Variants in SH3PXD2B observed in about 807,000 individuals in gnomAD.
SH3PXD2B encodes SH3 and PX domains 2B, also known as SH3 and PX domain-containing protein 2B.
A neutral mutation model predicts 73.1 loss-of-function variants in SH3PXD2B; 37 were observed. That is an observed-to-expected ratio of 0.51 (90% CI 0.39 to 0.67). SH3PXD2B has a LOEUF of 0.67. Among genes scored for constraint, SH3PXD2B ranks in the 30% least tolerant of loss-of-function variants. The pLI, the probability that SH3PXD2B is intolerant of heterozygous loss-of-function variation, is 0.00. For missense variants in SH3PXD2B, 1,053 were observed against 1,197.8 expected (o/e 0.88, Z 1.78); for synonymous variants, 457 against 480.5 (o/e 0.95, Z 0.64).
intron 4 of SH3PXD2B, among the ~76,000 whole-genome samples, chr5:172,382,829 A>G (rs1757979707): frequency 6.6e-6 from 1 of 151,946 alleles, no homozygotes; most frequent in African/African-American, 2.4e-5. Flanking sequence ...CCTGGGTTCA[A>G]GCGATTTTTG....
At chr5:172,409,167 A>C (rs1029374341) in intron 2 of SH3PXD2B, among the ~76,000 whole-genome samples, 2 of 152,142 alleles carry the variant, frequency 1.3e-5, no homozygotes, top group Non-Finnish European at 2.9e-5. Flanking sequence ...GGATGGCCTG[A>C]GGTCAGGAGA....
chr5:172,395,658 G>C (rs1025586388), intron 3 of SH3PXD2B, among the ~76,000 whole-genome samples: 2 of 152,224 alleles, frequency 1.3e-5, no homozygotes, highest in African/African-American at 4.8e-5. Flanking sequence ...TGGGGAGATA[G>C]TGGCGAAGCA....
chr5:172,425,507 A>G (rs1049947162), intron 1 of SH3PXD2B, among the ~76,000 whole-genome samples: 10 of 152,078 alleles, frequency 6.6e-5, no homozygotes, highest in African/African-American at 2.2e-4. Context: ...GAGCTGAGGA[A>G]AGGGCGTACA....
At chr5:172,439,295 CAA>C (rs946794676) in intron 1 of SH3PXD2B, among the ~76,000 whole-genome samples, 26 of 126,290 alleles carry the variant, frequency 2.1e-4, no homozygotes, top group African/African-American at 8.6e-4. Context: ...AAAAAAACCC[CAA>C]AAAAAAACCA....
Position 172,454,360 on chromosome 5 carries a change from C to G in SH3PXD2B, c.-8G>C. 9 of 1,494,730 alleles carry G rather than the reference C, an allele frequency of 6.0e-6. No individual in the cohort carries two copies. Among genetic ancestry groups the G allele is most frequent in the Non-Finnish European group, 8.0e-6 (9 of 1,123,402 alleles). The allele number at this position is 1,494,730 out of a possible 1,614,324, so 92.6% of individuals were successfully genotyped here. On this transcript the variant is annotated 5_prime_UTR_variant, in exon 1 of 13. Transcript: ENST00000311601. ...GCTGCGCCGCGGCGGCATGGCCGCT[C>G]CTCCGCCCGCAGCGGGCCGAGCGCG... is the stretch of plus-strand genomic sequence containing the variant.
intron 5 of SH3PXD2B, among the ~76,000 whole-genome samples, chr5:172,381,687 C>T (rs565916478): frequency 1.2e-4 from 19 of 152,294 alleles, no homozygotes; most frequent in East Asian, 3.9e-4. Flanking sequence ...TGGCAGTTCC[C>T]GAGCACACCC....
chr5:172,426,003 GGGATTAAAAAACAA>G lies in SH3PXD2B; in HGVS notation c.76-3521_76-3508del, dbSNP rs1437345450. ...ATGACTGTCAAGGACACTGCCAACA[GGGATTAAAAAACAA>G]GGAAAAATTGTCAAAGAATGGATTT... On this transcript the variant is annotated intron_variant, in intron 1 of 12. Coordinates refer to ENST00000311601, the MANE Select transcript of SH3PXD2B (RefSeq NM_001017995.3). Among the ~76,000 whole-genome samples the G allele has an allele frequency of 3.3e-5, 5 of 152,050 alleles. No individual in the cohort carries two copies. The East Asian group carries it at 9.6e-4, about 29-fold the overall frequency.
chr5:172,346,131 C>G lies in SH3PXD2B; in HGVS notation c.1188+5G>C, dbSNP rs773469032. 6.2e-7 allele frequency: 1 copy of G among 1,614,098 alleles called. No homozygotes were observed. Among genetic ancestry groups the G allele is most frequent in the Non-Finnish European group, 8.5e-7 (1 of 1,179,992 alleles). ...AGTAGGCAAAGGAACACCAGGGCCACTCACCTCGACCTTCAGGCCTGCCTG... is the reference window on the plus strand; with the variant it reads ...AGTAGGCAAAGGAACACCAGGGCCAGTCACCTCGACCTTCAGGCCTGCCTG... On this transcript the variant is annotated splice_donor_5th_base_variant and intron_variant, in intron 12 of 12. Coordinates refer to ENST00000311601, the MANE Select transcript of SH3PXD2B (RefSeq NM_001017995.3).
Position 172,338,328 on chromosome 5 carries a change from C to A in SH3PXD2B, c.*41G>T. 1 of 1,613,438 alleles carries A rather than the reference C, an allele frequency of 6.2e-7. No homozygotes were observed. The highest frequency in any genetic ancestry group is 8.5e-7 in the Non-Finnish European group (1 of 1,180,024). ...GGCGTATTAAATACGTGGGTAAAGC[C>A]AGCAAGGACCAGCGGGCCCTCTAGG... On this transcript the variant is annotated 3_prime_UTR_variant, in exon 13 of 13. Transcript: ENST00000311601. The surrounding 1 kb of genome is among the most constrained non-coding windows in gnomAD (Gnocchi z 5.1).
At chr5:172,384,313 C>T (rs1180560294) in intron 4 of SH3PXD2B, among the ~76,000 whole-genome samples, 1 of 152,124 alleles carries the variant, frequency 6.6e-6, no homozygotes, top group Non-Finnish European at 1.5e-5. Flanking sequence ...TGACCCTACA[C>T]AATTATTTCT....
intron 5 of SH3PXD2B, among the ~76,000 whole-genome samples, chr5:172,374,081 C>T (rs77530825): frequency 2.0e-5 from 3 of 152,110 alleles, no homozygotes; most frequent in Non-Finnish European, 2.9e-5. Flanking sequence ...GGGGAGGAGC[C>T]GAAGGGGATT....
chr5:172,347,833 T>C lies in SH3PXD2B; in HGVS notation c.1013-501A>G, dbSNP rs184944250. ...GCATGCAGTGAATGTTATCTGCACCTGGTTTTGTGCTCTAGAACAACCCAA... is the reference window on the plus strand; with the variant it reads ...GCATGCAGTGAATGTTATCTGCACCCGGTTTTGTGCTCTAGAACAACCCAA... On this transcript the variant is annotated intron_variant, in intron 10 of 12. Transcript: ENST00000311601. 3.1e-3 allele frequency among the ~76,000 whole-genome samples: 469 copies of C among 152,308 alleles called. 10 individuals carry two copies. Among genetic ancestry groups the C allele is most frequent in the Admixed American group, 0.029 (437 of 15,278 alleles).
intron 2 of SH3PXD2B, among the ~76,000 whole-genome samples, chr5:172,420,662 T>C (rs1461435243): frequency 1.3e-5 from 2 of 152,220 alleles, no homozygotes; most frequent in African/African-American, 4.8e-5. Flanking sequence ...TCCACCCTTA[T>C]TGACTTCTTG....
In SH3PXD2B at chr5:172,439,690, G is replaced by GTGCA. The variant is rs1554087686; in HGVS notation, c.75+14587_75+14588insTGCA. ...TGTGTGCGTGCGTGCGCGCACGCGC[G>GTGCA]CGCACACACACACACACACACACAC... On this transcript the variant is annotated intron_variant, in intron 1 of 12. Transcript: ENST00000311601. 2.8e-3 allele frequency among the ~76,000 whole-genome samples: 315 copies of GTGCA among 113,232 alleles called. 3 individuals are homozygous for GTGCA. The East Asian group carries it at 0.039, about 14-fold the overall frequency. 74.3% of individuals were successfully genotyped at this position (113,232 alleles called of 152,430 possible).
chr5:172,339,025 C>G lies in SH3PXD2B; in HGVS notation c.2080G>C (p.Val694Leu). The part of the protein sequence containing the change: ...EGPQAVGGQD[V>L]AFSRSFLPGE... Reference sequence around the variant, plus strand: ...GGGAGGAAGCTTCGGCTGAAGGCCACGTCTTGGCCCCCTACTGCCTGGGGG... The same window carrying G: ...GGGAGGAAGCTTCGGCTGAAGGCCAGGTCTTGGCCCCCTACTGCCTGGGGG... Residue 694 changes from valine (V) to leucine (L), a missense_variant, in exon 13 of 13, where the codon GTG becomes CTG. Val to Leu is a conservative substitution (Grantham distance 32). Coordinates refer to ENST00000311601, the MANE Select transcript of SH3PXD2B (RefSeq NM_001017995.3). This position sits in a 1 kb window ranked among gnomAD's most constrained non-coding sequence, Gnocchi z 6.1. 6 of 1,614,116 alleles carry G rather than the reference C, an allele frequency of 3.7e-6. No homozygotes were observed. The highest frequency in any genetic ancestry group is 5.1e-6 in the Non-Finnish European group (6 of 1,179,928).
intron 3 of SH3PXD2B, among the ~76,000 whole-genome samples, chr5:172,404,618 C>T (rs1330932139): frequency 2.0e-5 from 3 of 152,130 alleles, no homozygotes; most frequent in Non-Finnish European, 4.4e-5. Context: ...AGGGCCCGTC[C>T]AGCTCTAAAT....
At position 172,377,244 on chromosome 5, in the gene SH3PXD2B, G is replaced by A. The variant is rs79459772; in HGVS notation, c.402-3429C>T. The stretch of plus-strand genomic sequence containing the variant: ...GTTCCCAAGTTTTCCTACTCATGGC[G>A]GCCAAAACCCTCCTCCAATAGCACC... On this transcript the variant is annotated intron_variant, in intron 5 of 12. Coordinates refer to ENST00000311601, the MANE Select transcript of SH3PXD2B (RefSeq NM_001017995.3). Among the ~76,000 whole-genome samples, 1,293 of 152,172 alleles carry A rather than the reference G, an allele frequency of 8.5e-3. 18 individuals carry two copies. The highest frequency in any genetic ancestry group is 0.03 in the African/African-American group (1,233 of 41,500).
intron 1 of SH3PXD2B, among the ~76,000 whole-genome samples, chr5:172,443,719 T>C (rs1351110551): frequency 6.6e-6 from 1 of 152,226 alleles, no homozygotes; most frequent in Non-Finnish European, 1.5e-5. Context: ...ACACCTTGGC[T>C]GAGGAGGAGG....
In SH3PXD2B at chr5:172,353,935, A is replaced by G; in HGVS notation, c.738T>C (p.Ala246=). 2 of 1,614,056 alleles carry G rather than the reference A, an allele frequency of 1.2e-6. No individual in the cohort carries two copies. Among genetic ancestry groups the G allele is most frequent in the Non-Finnish European group, 8.5e-7 (1 of 1,180,012 alleles). The stretch of plus-strand genomic sequence containing the variant: ...GGTTTTTCTGGATGACCTCCACCAC[A>G]GCCCCTCTCTCCAGGTTCATTTCAT... ...DQDEMNLERG[A]VVEVIQKNLE... The change falls in exon 9 of 13, where the codon GCT becomes GCC. Residue 246 remains alanine (A), a synonymous_variant. Coordinates refer to ENST00000311601, the MANE Select transcript of SH3PXD2B (RefSeq NM_001017995.3). The surrounding 1 kb of genome is among the most constrained non-coding windows in gnomAD (Gnocchi z 4.3).
Sources: gnomAD v4.1 joint callset for allele counts (sites outside exome capture counted in the v4.1 genomes callset) on GRCh38, gnomAD v4.1.1 for gene constraint, Gnocchi (gnomAD v3.1) non-coding constraint, MANE v1.5 for transcripts, NCBI Gene and HGNC (gene_info 2026-07-23, HGNC 2026-07-21) for gene names.